The following ULK4 variants were observed in gnomAD, a reference collection of about 807,000 sequenced individuals.
ULK4 encodes the protein unc-51 like kinase 4.
ULK4 carries 133 observed loss-of-function variants against 160.6 expected under a neutral mutation model. The ratio of observed to expected loss-of-function variants is 0.83; its 90% CI spans 0.72 to 0.96. The LOEUF is 0.96. ULK4 is among the 40% of genes least tolerant of loss of function. ULK4 has a pLI of 0.00. For missense variants in ULK4, 1,580 were observed against 1,499.5 expected (o/e 1.05, Z -0.89); for synonymous variants, 534 against 539.8 (o/e 0.99, Z 0.15).
At chr3:41,436,849 G>T (rs1160720044) in intron 34 of ULK4, among the ~76,000 whole-genome samples, 2 of 151,916 alleles carry the variant, frequency 1.3e-5, no homozygotes, top group African/African-American at 4.8e-5. Context: ...ATTAAGACTA[G>T]CAAATGCCAC....
chr3:41,435,822 C>T (rs2083022071), intron 34 of ULK4, among the ~76,000 whole-genome samples: 1 of 152,128 alleles, frequency 6.6e-6, no homozygotes, highest in Non-Finnish European at 1.5e-5. Context: ...TGGCAGGTGC[C>T]TGTAATCCCA....
intron 32 of ULK4, among the ~76,000 whole-genome samples, chr3:41,557,070 T>C (rs1264696083): frequency 6.6e-6 from 1 of 152,178 alleles, no homozygotes; most frequent in African/African-American, 2.4e-5. Context: ...ATGGGTTCAA[T>C]ATTAGGTAAC....
chr3:41,898,392 CA>C, intron 14 of ULK4, 39 bp downstream of exon 14: 1 of 1,243,016 alleles, frequency 8.0e-7, no homozygotes, highest in Non-Finnish European at 1.1e-6. Context: ...TATCTGTATA[CA>C]AAGAGTCTAC....
Position 41,473,576 on chromosome 3 carries a change from C to T in ULK4, c.3227-10323G>A, listed in dbSNP as rs187366454. 3.7e-4 allele frequency among the ~76,000 whole-genome samples: 54 copies of T among 147,072 alleles called. 3 individuals are homozygous for T. Among genetic ancestry groups the T allele is most frequent in the Admixed American group, 3.4e-3 (50 of 14,568 alleles). On this transcript the variant is annotated intron_variant, in intron 32 of 36. Transcript: ENST00000301831. ...ACACAGGAGGCTGAGGTGGGAGCAT[C>T]GCTTGAACCTGGTAGGCGGAGGTTG...
At chr3:41,618,986 G>A (rs1052186629) in intron 30 of ULK4, among the ~76,000 whole-genome samples, 42 of 150,968 alleles carry the variant, frequency 2.8e-4, no homozygotes, top group African/African-American at 1.0e-3. Flanking sequence ...CTAGTCTCTA[G>A]GATTTAAAAT....
At chr3:41,268,663 G>A (rs369363123) in intron 35 of ULK4, among the ~76,000 whole-genome samples, 22 of 152,030 alleles carry the variant, frequency 1.4e-4, no homozygotes, top group African/African-American at 5.1e-4. Flanking sequence ...AAAATTAGCT[G>A]GGAATGGTGG....
intron 1 of ULK4, among the ~76,000 whole-genome samples, chr3:41,958,660 G>A (rs1360627882): frequency 2.0e-5 from 3 of 150,660 alleles, no homozygotes; most frequent in African/African-American, 7.4e-5. Flanking sequence ...AGGTTGCAGT[G>A]AACTGAGATT....
intron 1 of ULK4, among the ~76,000 whole-genome samples, chr3:41,958,051 A>G (rs959551220): frequency 2.6e-5 from 4 of 151,950 alleles, no homozygotes; most frequent in African/African-American, 9.7e-5. Context: ...CTCAAAAAAA[A>G]AAAAAAAAAA....
chr3:41,891,713 C>A (rs1350424697), intron 16 of ULK4, among the ~76,000 whole-genome samples: 2 of 152,138 alleles, frequency 1.3e-5, no homozygotes, highest in African/African-American at 4.8e-5. Flanking sequence ...TGGAGACCAT[C>A]TGGCCAACAC....
At chr3:41,303,310 A>T (rs1366962728) in intron 35 of ULK4, among the ~76,000 whole-genome samples, 1 of 152,188 alleles carries the variant, frequency 6.6e-6, no homozygotes, top group East Asian at 1.9e-4. Flanking sequence ...GTATCATAGC[A>T]AGAAGTAAAA....
At chr3:41,745,427 C>T (rs1040718500) in intron 22 of ULK4, among the ~76,000 whole-genome samples, 2 of 151,456 alleles carry the variant, frequency 1.3e-5, no homozygotes, top group African/African-American at 2.4e-5. Context: ...TCCTCAAAAA[C>T]CATAAACTAC....
intron 31 of ULK4, among the ~76,000 whole-genome samples, chr3:41,584,306 T>C (rs1057270233): frequency 1.3e-5 from 2 of 152,172 alleles, no homozygotes; most frequent in African/African-American, 4.8e-5. Flanking sequence ...AACTTTTTTC[T>C]TTTGAGAAAG....
At chr3:41,467,508 T>C (rs1052057839) in intron 32 of ULK4, among the ~76,000 whole-genome samples, 2 of 152,106 alleles carry the variant, frequency 1.3e-5, no homozygotes, top group Non-Finnish European at 2.9e-5. Context: ...GCCTGGGTGA[T>C]AGAGCACGAC....
At chr3:41,874,600 C>T (rs1161984811) in intron 17 of ULK4, among the ~76,000 whole-genome samples, 6 of 152,140 alleles carry the variant, frequency 3.9e-5, no homozygotes, top group Non-Finnish European at 7.3e-5. Context: ...AGTGATGTAA[C>T]TCAGGAATAG....
At chr3:41,902,978 A>G (rs1698428186) in intron 12 of ULK4, among the ~76,000 whole-genome samples, 1 of 152,198 alleles carries the variant, frequency 6.6e-6, no homozygotes, top group Non-Finnish European at 1.5e-5. Flanking sequence ...TACTTGCTTC[A>G]GTGGAGAATG....
At position 41,954,614 on chromosome 3, in the gene ULK4, T is replaced by C. The variant is rs376950433; in HGVS notation, c.138+8A>G. On this transcript the variant is annotated splice_region_variant and intron_variant, in intron 2 of 36. Transcript: ENST00000301831. ...TTTCCCCATGCCAATGGAAATACAC[T>C]GACTTACCCAGTTGGTTATTTCAGG... 1.3e-5 allele frequency: 21 copies of C among 1,609,298 alleles called. No individual in the cohort carries two copies. Among genetic ancestry groups the C allele is most frequent in the African/African-American group, 1.1e-4 (8 of 74,710 alleles).
chr3:41,643,983 GCT>G (rs2034362277), intron 30 of ULK4, among the ~76,000 whole-genome samples: 1 of 152,048 alleles, frequency 6.6e-6, no homozygotes, highest in African/African-American at 2.4e-5. Context: ...TCATGATTTG[GCT>G]CTCTGTTTGT....
At chr3:41,259,405 C>G (rs539189027) in intron 35 of ULK4, among the ~76,000 whole-genome samples, 28 of 152,282 alleles carry the variant, frequency 1.8e-4, no homozygotes, top group African/African-American at 4.8e-5. Flanking sequence ...TCCTATGCCC[C>G]CTGATAATGG....
At chr3:41,931,134 C>T (rs1716647) in intron 5 of ULK4, among the ~76,000 whole-genome samples, 112,426 of 152,078 alleles carry the variant, frequency 0.74, 42,886 homozygotes, top group East Asian at 0.83. Context: ...ATATACACCA[C>T]AGAATACTAT....
Sources: allele counts gnomAD v4.1 joint callset (sites outside exome capture counted in the v4.1 genomes callset), GRCh38; gene constraint gnomAD v4.1.1; transcripts MANE v1.5; gene names NCBI Gene and HGNC (gene_info 2026-07-23, HGNC 2026-07-21).